Variants in MALT1 observed in about 807,000 individuals in gnomAD.
The protein encoded by MALT1 is mucosa-associated lymphoid tissue lymphoma translocation protein 1.
In MALT1, 36 loss-of-function variants were observed where a neutral mutation model predicts 85.5. The observed-to-expected ratio is 0.42, with a 90% confidence interval of 0.32 to 0.56. MALT1 has a LOEUF of 0.56. Among genes scored for constraint, MALT1 ranks in the 20% least tolerant of loss-of-function variants. The probability of loss-of-function intolerance (pLI) is 0.10; values close to 1 mark genes in which losing one functional copy is unlikely to be tolerated. For synonymous variants in MALT1, 359 were observed against 361.3 expected (o/e 0.99, Z 0.07); for missense variants, 716 against 981.6 (o/e 0.73, Z 3.62).
chr18:58,734,397 G>A lies in MALT1; in HGVS notation c.1475+16G>A, dbSNP rs746507526. The A allele has an allele frequency of 1.2e-6, 2 of 1,601,310 alleles. No individual in the cohort carries two copies. The highest frequency in any genetic ancestry group is 2.2e-5 in the East Asian group (1 of 44,826). On this transcript the variant is annotated intron_variant, in intron 12 of 16. Transcript: ENST00000649217. ...GATATGCCACGTAAGAACATTTGAT[G>A]TTTACGTTGAAGTTTCCTTTATTGT...
intron 13 of MALT1, among the ~76,000 whole-genome samples, chr18:58,740,430 T>C (rs2055286360): frequency 6.6e-6 from 1 of 152,146 alleles, no homozygotes; most frequent in African/African-American, 2.4e-5. Flanking sequence ...CAATTTAAGT[T>C]TCTAAGGCTT....
At chr18:58,676,041 C>CTA (rs139809852) in intron 1 of MALT1, among the ~76,000 whole-genome samples, 209 of 152,288 alleles carry the variant, frequency 1.4e-3, no homozygotes, top group Middle Eastern at 3.4e-3. Context: ...TGTACCTTCA[C>CTA]TATATATATG....
chr18:58,717,399 GTAAGGCTGAA>G (rs1346609289), intron 9 of MALT1, among the ~76,000 whole-genome samples: 2 of 151,690 alleles, frequency 1.3e-5, no homozygotes, highest in Admixed American at 6.6e-5. Context: ...AAAGAGTAAA[GTAAGGCTGAA>G]TATAGATCTT....
intron 1 of MALT1, among the ~76,000 whole-genome samples, chr18:58,675,991 T>C (rs1004135039): frequency 6.6e-6 from 1 of 152,202 alleles, no homozygotes; most frequent in African/African-American, 2.4e-5. Flanking sequence ...CTGACTCCAC[T>C]TTTACACACA....
At chr18:58,674,187 G>A (rs1256418273) in intron 1 of MALT1, 1 of 152,234 alleles carries the variant, frequency 6.6e-6, no homozygotes, top group Non-Finnish European at 1.5e-5. Context: ...GTGGCTGCTG[G>A]AATCCAAAAG....
intron 10 of MALT1, among the ~76,000 whole-genome samples, chr18:58,728,888 CCCCA>C (rs2055104179): frequency 6.6e-6 from 1 of 152,114 alleles, no homozygotes; most frequent in Non-Finnish European, 1.5e-5. Context: ...TGTATCTTCA[CCCCA>C]ATCAAGTCTT....
chr18:58,733,923 C>T, intron 11 of MALT1: 3 of 1,149,392 alleles, frequency 2.6e-6, no homozygotes, highest in Non-Finnish European at 3.2e-6. Context: ...GATCTCTGCT[C>T]ACTAGTCAGT....
intron 2 of MALT1, among the ~76,000 whole-genome samples, chr18:58,693,076 G>C: frequency 6.6e-6 from 1 of 152,218 alleles, no homozygotes; most frequent in Non-Finnish European, 1.5e-5. Context: ...AAGTGAAGCA[G>C]CAAGTACTAG....
chr18:58,716,740 T>A (rs1338393056), intron 9 of MALT1, among the ~76,000 whole-genome samples: 1 of 152,166 alleles, frequency 6.6e-6, no homozygotes, highest in East Asian at 1.9e-4. Flanking sequence ...TGAAATTAAC[T>A]AGATAGGGCA....
intron 3 of MALT1, among the ~76,000 whole-genome samples, chr18:58,699,643 G>C (rs1202511271): frequency 6.6e-6 from 1 of 152,214 alleles, no homozygotes; most frequent in Non-Finnish European, 1.5e-5. Flanking sequence ...TGAGCATGAT[G>C]GAGGTGCTCA....
At chr18:58,743,820 A>G (rs112067477) in intron 14 of MALT1, among the ~76,000 whole-genome samples, 8 of 152,334 alleles carry the variant, frequency 5.3e-5, no homozygotes, top group African/African-American at 1.9e-4. Flanking sequence ...TGGACATGTT[A>G]TGCTGAAACT....
At chr18:58,734,257 T>C in intron 11 of MALT1, 50 bp from the exon 12 acceptor site, 2 of 1,305,930 alleles carry the variant, frequency 1.5e-6, no homozygotes, top group Non-Finnish European at 2.2e-6. Context: ...TTAAGAATGC[T>C]CTTTAACTTT....
chr18:58,738,380 ACT>A (rs768704727), intron 13 of MALT1, among the ~76,000 whole-genome samples: 1 of 150,676 alleles, frequency 6.6e-6, no homozygotes, highest in East Asian at 2.0e-4. Flanking sequence ...TTTTTCAACT[ACT>A]CTCCTGTGTT....
chr18:58,709,578 C>CT, intron 5 of MALT1, 22 bp downstream of exon 5: 1 of 1,565,258 alleles, frequency 6.4e-7, no homozygotes, highest in South Asian at 1.2e-5. Flanking sequence ...ATTTTGGGGT[C>CT]TTTTGGGGGA....
At chr18:58,709,340 T>G in intron 4 of MALT1, 38 bp from the exon 5 acceptor site, 1 of 1,380,576 alleles carries the variant, frequency 7.2e-7, no homozygotes, top group Non-Finnish European at 9.8e-7. Flanking sequence ...TTATTTTTAT[T>G]TTTAACCTAG....
At chr18:58,741,809 T>C in intron 13 of MALT1, 56 bp from the exon 14 acceptor site, 1 of 1,115,630 alleles carries the variant, frequency 9.0e-7, no homozygotes, top group Non-Finnish European at 1.3e-6. Context: ...AGCCTAAATA[T>C]TTAAAACATA....
rs1222639419 is a variant in MALT1 at position 58,709,566 on chromosome 18, T to G, written c.828+10T>G. 1 of 1,584,112 alleles carries G rather than the reference T, an allele frequency of 6.3e-7. No homozygotes were observed. The highest frequency in any genetic ancestry group is 8.6e-7 in the Non-Finnish European group (1 of 1,167,052). On this transcript the variant is annotated intron_variant, in intron 5 of 16. Transcript: ENST00000649217. ...CAAAAAGCTATACATGGTAGGAAGT[T>G]GATTTTGGGGTCTTTTGGGGGAGTT...
Position 58,747,706 on chromosome 18 carries a change from G to A in MALT1, c.2339G>A (p.Ser780Asn), listed in dbSNP as rs2144495292. The change falls in exon 17 of 17, where the codon AGC becomes AAC. Residue 780 changes from serine (S) to asparagine (N), a missense_variant. This residue lies in a region of MALT1 where 260 missense variants were observed against 323.7 expected (regional missense o/e 0.80). Transcript: ENST00000649217. ...ACACCAGCAGATAGCTGTCATTGCAGCCGGACTCCAGATGCATTTATTTCA... is the reference window on the plus strand; with the variant it reads ...ACACCAGCAGATAGCTGTCATTGCAACCGGACTCCAGATGCATTTATTTCA... ...NVTPADSCHC[S>N]RTPDAFISSF... The A allele has an allele frequency of 1.2e-6, 2 of 1,614,136 alleles. No homozygotes were observed. The highest frequency in any genetic ancestry group is 2.2e-5 in the East Asian group (1 of 44,888).
At chr18:58,676,183 A>G (rs2144297259) in intron 1 of MALT1, among the ~76,000 whole-genome samples, 1 of 152,278 alleles carries the variant, frequency 6.6e-6, no homozygotes, top group South Asian at 2.1e-4. Flanking sequence ...TATAGCAGTA[A>G]GAATTATTCT....
Sources: allele counts gnomAD v4.1 joint callset (sites outside exome capture counted in the v4.1 genomes callset), GRCh38; gene constraint gnomAD v4.1.1; regional missense constraint gnomAD v4.1.1; transcripts MANE v1.5; gene names NCBI Gene and HGNC (gene_info 2026-07-23, HGNC 2026-07-21).